LINGO2: variants seen among roughly 807,000 people sequenced by gnomAD.
The protein encoded by LINGO2 is leucine rich repeat and Ig domain containing 2.
Under a neutral mutation model 30.6 loss-of-function variants are expected in LINGO2, and 14 were observed. That is an observed-to-expected ratio of 0.46 (90% CI 0.30 to 0.72). The LOEUF is 0.72. LINGO2 is among the 30% of genes least tolerant of loss of function. The pLI is 0.07. For synonymous variants in LINGO2, 317 were observed against 288.5 expected (o/e 1.10, Z -1.00); for missense variants, 729 against 751.7 (o/e 0.97, Z 0.35).
At chr9:28,770,871 A>C in the LINGO2 span, among the ~76,000 whole-genome samples, 2 of 152,188 alleles carry the variant, frequency 1.3e-5, no homozygotes, top group Admixed American at 6.5e-5. Context: ...AAAGAAGGAC[A>C]GAATTTTGTC....
chr9:28,821,582 C>G, the LINGO2 span, among the ~76,000 whole-genome samples: 1 of 151,988 alleles, frequency 6.6e-6, no homozygotes, highest in Non-Finnish European at 1.5e-5. Flanking sequence ...CAAAACAGAA[C>G]GTTGTGAAAA....
the LINGO2 span, among the ~76,000 whole-genome samples, chr9:28,842,661 T>G: frequency 6.6e-6 from 1 of 151,890 alleles, no homozygotes; most frequent in Non-Finnish European, 1.5e-5. Flanking sequence ...GAATAACTTT[T>G]TTGGGATAGT....
the LINGO2 span, chr9:27,937,646 C>A: frequency 6.6e-6 from 1 of 152,010 alleles, no homozygotes; most frequent in Non-Finnish European, 1.5e-5. Context: ...ATTTTTGTGT[C>A]TCAACAGATG....
chr9:28,049,931 T>C (rs1432335941), intron 4 of LINGO2, among the ~76,000 whole-genome samples: 2 of 150,814 alleles, frequency 1.3e-5, no homozygotes, highest in African/African-American at 4.9e-5. Flanking sequence ...CACTAAAAAC[T>C]GTCTTGAAGC....
intron 1 of LINGO2, among the ~76,000 whole-genome samples, chr9:28,557,002 T>C (rs1189909129): frequency 6.6e-6 from 1 of 151,810 alleles, no homozygotes; most frequent in Non-Finnish European, 1.5e-5. Context: ...CAATTCAAGA[T>C]GGATTAAAGA....
At chr9:28,010,358 T>G (rs892135184) in intron 5 of LINGO2, among the ~76,000 whole-genome samples, 2 of 152,144 alleles carry the variant, frequency 1.3e-5, no homozygotes, top group African/African-American at 4.8e-5. Context: ...CCTAACATAG[T>G]TTGTAACCTA....
chr9:28,656,495 A>G (rs1272913087), intron 1 of LINGO2, among the ~76,000 whole-genome samples: 1 of 152,078 alleles, frequency 6.6e-6, no homozygotes, highest in Non-Finnish European at 1.5e-5. Context: ...TATTTATACC[A>G]AAACGCATAA....
intron 1 of LINGO2, among the ~76,000 whole-genome samples, chr9:28,557,017 A>C (rs975140155): frequency 2.6e-5 from 4 of 151,538 alleles, no homozygotes; most frequent in Non-Finnish European, 5.9e-5. Context: ...TAAAGACTTA[A>C]ACGTTAGACC....
chr9:28,042,256 A>G (rs1376024364), intron 4 of LINGO2, among the ~76,000 whole-genome samples: 1 of 152,180 alleles, frequency 6.6e-6, no homozygotes, highest in Non-Finnish European at 1.5e-5. Flanking sequence ...GCTTCAGAGT[A>G]GAAAATTCAC....
At chr9:28,856,876 G>A in the LINGO2 span, among the ~76,000 whole-genome samples, 3 of 152,132 alleles carry the variant, frequency 2.0e-5, no homozygotes, top group South Asian at 2.1e-4. Context: ...GAAATACAGA[G>A]AAGATATAGA....
At chr9:28,168,504 A>G (rs955592581) in intron 4 of LINGO2, among the ~76,000 whole-genome samples, 4 of 152,232 alleles carry the variant, frequency 2.6e-5, no homozygotes, top group African/African-American at 9.6e-5. Flanking sequence ...TTAAGGAGCT[A>G]AAGTACCTTT....
chr9:28,436,691 TC>T, intron 2 of LINGO2, among the ~76,000 whole-genome samples: 1 of 152,078 alleles, frequency 6.6e-6, no homozygotes, highest in Middle Eastern at 3.2e-3. Flanking sequence ...TCTCCTGACC[TC>T]GTGATCCGCC....
intron 4 of LINGO2, among the ~76,000 whole-genome samples, chr9:28,039,582 G>A (rs1323204778): frequency 1.3e-5 from 2 of 152,188 alleles, no homozygotes; most frequent in Middle Eastern, 6.8e-3. Flanking sequence ...TTGAGTACAT[G>A]TAAGTCTTTT....
the LINGO2 span, among the ~76,000 whole-genome samples, chr9:28,972,870 G>A: frequency 6.6e-6 from 1 of 152,170 alleles, no homozygotes; most frequent in Admixed American, 6.5e-5. Context: ...AACAGCATGG[G>A]AAAAACCTGC....
chr9:28,656,167 C>T (rs926201473), intron 1 of LINGO2, among the ~76,000 whole-genome samples: 6 of 151,630 alleles, frequency 4.0e-5, no homozygotes, highest in Non-Finnish European at 1.5e-5. Context: ...AATACTAAAA[C>T]AAAAAATGAA....
At chr9:29,201,547 C>A in the LINGO2 span, among the ~76,000 whole-genome samples, 6 of 151,882 alleles carry the variant, frequency 4.0e-5, no homozygotes, top group African/African-American at 1.4e-4. Flanking sequence ...GTTCTATAAC[C>A]TATAAAATCA....
chr9:28,357,563 C>A (rs1820270231), intron 3 of LINGO2, among the ~76,000 whole-genome samples: 1 of 151,824 alleles, frequency 6.6e-6, no homozygotes, highest in African/African-American at 2.4e-5. Flanking sequence ...ACAACTATAA[C>A]CATATAGTAT....
At chr9:28,833,204 C>A in the LINGO2 span, among the ~76,000 whole-genome samples, 7 of 152,148 alleles carry the variant, frequency 4.6e-5, no homozygotes, top group Admixed American at 4.6e-4. Context: ...GGGTGGCCTT[C>A]AATACAGTGA....
the LINGO2 span, among the ~76,000 whole-genome samples, chr9:29,134,381 C>T: frequency 3.3e-5 from 5 of 152,022 alleles, no homozygotes; most frequent in Non-Finnish European, 7.4e-5. Flanking sequence ...TTTTTTTATT[C>T]AAAGAAATGC....
Sources: gnomAD v4.1 joint callset for allele counts (sites outside exome capture counted in the v4.1 genomes callset) on GRCh38, gnomAD v4.1.1 for gene constraint, MANE v1.5 for transcripts, NCBI Gene and HGNC (gene_info 2026-07-23, HGNC 2026-07-21) for gene names.